GALNT2: variants seen among roughly 807,000 people sequenced by gnomAD.
The protein encoded by GALNT2 is UDP-GalNAc:polypeptide N-acetylgalactosaminyltransferase 2.
A neutral mutation model predicts 81.4 loss-of-function variants in GALNT2; 31 were observed. The observed-to-expected ratio is 0.38, with a 90% CI of 0.29 to 0.51. The LOEUF is 0.51. Among genes scored for constraint, GALNT2 ranks in the 20% least tolerant of loss-of-function variants. The pLI is 0.87. For missense variants in GALNT2, 629 were observed against 765.7 expected, an observed-to-expected ratio of 0.82 and a Z score of 2.11; for synonymous variants, 303 against 287.4, an observed-to-expected ratio of 1.05 and a Z score of -0.55.
Position 230,227,680 on chromosome 1 carries a change from A to C in GALNT2, c.375-8334A>C, listed in dbSNP as rs1247191181. ...AGGAGAATAGCTGTAGGTCATATTA[A>C]TGGATGCAGGAGGGAAAGCAGTGAA... On this transcript the variant is annotated intron_variant, in intron 3 of 15. Transcript: ENST00000366672. Among the ~76,000 whole-genome samples, 4 of 152,144 alleles carry C rather than the reference A, an allele frequency of 2.6e-5. No individual in the cohort carries two copies. In the South Asian group the frequency reaches 8.3e-4, roughly 32 times the overall value.
intron 1 of GALNT2, among the ~76,000 whole-genome samples, chr1:230,168,130 G>A (rs1228310342): frequency 6.6e-6 from 1 of 152,060 alleles, no homozygotes; most frequent in East Asian, 1.9e-4. Context: ...GGGAGGCGGT[G>A]GACTCGGAGC....
intron 1 of GALNT2, among the ~76,000 whole-genome samples, chr1:230,073,289 G>A (rs1373698328): frequency 6.6e-6 from 1 of 152,218 alleles, no homozygotes; most frequent in Non-Finnish European, 1.5e-5. Context: ...CCAGTATGGA[G>A]TTGGCAGGAA....
intron 1 of GALNT2, among the ~76,000 whole-genome samples, chr1:230,147,262 A>T (rs1661950055): frequency 6.6e-6 from 1 of 152,232 alleles, no homozygotes; most frequent in Admixed American, 6.5e-5. Context: ...TGGACTGATG[A>T]ACTGAAACCC....
At chr1:230,079,740 G>A (rs1659671531) in intron 1 of GALNT2, among the ~76,000 whole-genome samples, 1 of 152,186 alleles carries the variant, frequency 6.6e-6, no homozygotes, top group African/African-American at 2.4e-5. Flanking sequence ...CTGGGTTCTT[G>A]GATGGTCTAA....
chr1:230,228,463 CA>C (rs1664779305), intron 3 of GALNT2, among the ~76,000 whole-genome samples: 1 of 151,792 alleles, frequency 6.6e-6, no homozygotes, highest in Non-Finnish European at 1.5e-5. Flanking sequence ...CGGATGTAGA[CA>C]TAAATAAGTG....
intron 14 of GALNT2, among the ~76,000 whole-genome samples, chr1:230,266,289 C>G (rs1666035558): frequency 6.6e-6 from 1 of 152,146 alleles, no homozygotes; most frequent in Non-Finnish European, 1.5e-5. Flanking sequence ...ATGGGCCCAG[C>G]TGAGACTTCG....
chr1:230,150,107 C>A (rs1475914126), intron 1 of GALNT2, among the ~76,000 whole-genome samples: 1 of 152,212 alleles, frequency 6.6e-6, no homozygotes, highest in Non-Finnish European at 1.5e-5. Flanking sequence ...AGGCAGAGAC[C>A]TAGGAGGGTG....
chr1:230,266,989 G>GACACACACACACACACAC (rs35956776), intron 14 of GALNT2, among the ~76,000 whole-genome samples: 1 of 146,678 alleles, frequency 6.8e-6, no homozygotes, highest in African/African-American at 2.6e-5. Context: ...GCACGTGTGT[G>GACACACACACACACACAC]ACACACACAC....
intron 13 of GALNT2, 101 bp from the exon 14 acceptor site, chr1:230,265,140 C>A: frequency 1.3e-6 from 2 of 1,512,410 alleles, no homozygotes; most frequent in East Asian, 2.3e-5. Context: ...GTCTTTCTCT[C>A]GTTCCTGTCA....
At chr1:230,273,979 C>T (rs1160186402) in intron 14 of GALNT2, among the ~76,000 whole-genome samples, 6 of 152,216 alleles carry the variant, frequency 3.9e-5, no homozygotes, top group Non-Finnish European at 8.8e-5. Context: ...TTATTTACTA[C>T]AGTTCACATT....
intron 11 of GALNT2, chr1:230,262,308 A>G (rs886613997): frequency 2.3e-6 from 1 of 442,382 alleles, no homozygotes; most frequent in African/African-American, 2.0e-5. Flanking sequence ...TGTAATTTCC[A>G]CTTTGCCTTT....
At chr1:230,096,332 C>T (rs1558081342) in intron 1 of GALNT2, among the ~76,000 whole-genome samples, 2 of 152,174 alleles carry the variant, frequency 1.3e-5, no homozygotes, top group South Asian at 4.1e-4. Context: ...GCAGCTTAGT[C>T]ATTTGCTTAC....
In GALNT2 at chr1:230,274,499, G is replaced by C. The variant is rs138151523; in HGVS notation, c.1495G>C (p.Val499Leu). 2.5e-6 allele frequency: 4 copies of C among 1,613,932 alleles called. No individual in the cohort carries two copies. The highest frequency in any genetic ancestry group is 3.4e-6 in the Non-Finnish European group (4 of 1,179,938). Residue 499 changes from valine to leucine, a missense_variant, in exon 15 of 16, where the codon GTG becomes CTG. Val to Leu is a conservative substitution (Grantham distance 32, BLOSUM62 1). Around this residue, in one of 3 missense-constraint regions of GALNT2, gnomAD observed 207 missense variants for 225.5 expected, o/e 0.92. Coordinates refer to ENST00000366672, the MANE Select transcript of GALNT2 (RefSeq NM_004481.5). ...SVKHMDLCLT[V>L]VDRAPGSLIK... The stretch of plus-strand genomic sequence containing the variant: ...GAAGCACATGGATTTGTGCCTTACT[G>C]TGGTGGACCGGGCACCGGGCTCTCT...
chr1:230,122,305 C>A (rs188362279), intron 1 of GALNT2, among the ~76,000 whole-genome samples: 1 of 152,132 alleles, frequency 6.6e-6, no homozygotes, highest in East Asian at 1.9e-4. Flanking sequence ...GAAAAGATAT[C>A]GCTTTCCCTT....
At chr1:230,163,962 C>T (rs1486611575) in intron 1 of GALNT2, among the ~76,000 whole-genome samples, 2 of 152,176 alleles carry the variant, frequency 1.3e-5, no homozygotes, top group Non-Finnish European at 2.9e-5. Flanking sequence ...CTGGGCCAGT[C>T]ACAGCCTGAT....
intron 11 of GALNT2, among the ~76,000 whole-genome samples, chr1:230,258,279 G>T (rs755814575): frequency 5.3e-5 from 8 of 150,194 alleles, no homozygotes; most frequent in Non-Finnish European, 1.0e-4. Context: ...GCCCACACTG[G>T]AGTGCAATGG....
intron 11 of GALNT2, among the ~76,000 whole-genome samples, chr1:230,261,597 C>G (rs982443485): frequency 1.3e-5 from 2 of 152,184 alleles, no homozygotes; most frequent in Non-Finnish European, 2.9e-5. Flanking sequence ...ACTGCTGATA[C>G]CTATGCAGAT....
In GALNT2 at chr1:230,279,178, G is replaced by A; in HGVS notation, c.1561-125G>A. 2 of 1,050,512 alleles carry A rather than the reference G, an allele frequency of 1.9e-6. No individual in the cohort carries two copies. The highest frequency in any genetic ancestry group is 2.7e-6 in the Non-Finnish European group (2 of 737,692). The allele number at this position is 1,050,512 out of a possible 1,614,324, so 65.1% of individuals were successfully genotyped here. ...GCAAGCTCCTCGGCCGTTCAGATGA[G>A]AGGCTGGGAAAAACGTGTCTATCTG... On this transcript the variant is annotated intron_variant, in intron 15 of 15. Coordinates refer to ENST00000366672, the MANE Select transcript of GALNT2 (RefSeq NM_004481.5). The surrounding 1 kb of genome is among the most constrained non-coding windows in gnomAD (Gnocchi z 4.6).
At chr1:230,058,100 AGT>A in intron 1 of GALNT2, 1 of 456,250 alleles carries the variant, frequency 2.2e-6, no homozygotes, top group Non-Finnish European at 4.4e-6. Flanking sequence ...TTCTCACTAA[AGT>A]ACACGTATGT....
Sources: allele counts gnomAD v4.1 joint callset (sites outside exome capture counted in the v4.1 genomes callset), GRCh38; gene constraint gnomAD v4.1.1; regional missense constraint gnomAD v4.1.1; non-coding constraint Gnocchi (gnomAD v3.1); transcripts MANE v1.5; gene names NCBI Gene and HGNC (gene_info 2026-07-23, HGNC 2026-07-21).